CNIH3: variants seen among roughly 807,000 people sequenced by gnomAD.
The protein encoded by CNIH3 is cornichon family AMPA receptor auxiliary protein 3.
Under a neutral mutation model 24.1 loss-of-function variants are expected in CNIH3, and 14 were observed. The ratio of observed to expected loss-of-function variants is 0.58; its 90% CI spans 0.38 to 0.91. The LOEUF is 0.91. Among genes scored for constraint, CNIH3 ranks in the 40% least tolerant of loss-of-function variants. The pLI is 0.00. For synonymous variants in CNIH3, 68 were observed against 73.8 expected (o/e 0.92, Z 0.40); for missense variants, 178 against 196.8 (o/e 0.90, Z 0.57).
chr1:224,687,193 C>T (rs1001613164), intron 3 of CNIH3, among the ~76,000 whole-genome samples: 1 of 152,194 alleles, frequency 6.6e-6, no homozygotes, highest in African/African-American at 2.4e-5. Flanking sequence ...TGGCCAGCAC[C>T]TCTTCACTAA....
chr1:224,621,571 G>A (rs760132161), intron 1 of CNIH3, among the ~76,000 whole-genome samples: 22 of 152,142 alleles, frequency 1.4e-4, no homozygotes, highest in Non-Finnish European at 2.6e-4. Context: ...TGGGATGTCC[G>A]CAGCTCCAGC....
chr1:224,478,889 G>T (rs1210993005), intron 1 of CNIH3, among the ~76,000 whole-genome samples: 1 of 152,166 alleles, frequency 6.6e-6, no homozygotes, highest in East Asian at 1.9e-4. Context: ...GCAAAAAAGA[G>T]CTTGTGCAGA....
chr1:224,691,799 A>G (rs1377884514), intron 3 of CNIH3, among the ~76,000 whole-genome samples: 2 of 152,204 alleles, frequency 1.3e-5, no homozygotes, highest in African/African-American at 4.8e-5. Flanking sequence ...AGCATGTGGC[A>G]CTTCTAAAAG....
rs552863625 is a variant in CNIH3, at chr1:224,474,910, G to T, written n.203+40048G>T. Among the ~76,000 whole-genome samples, 544 of 151,452 alleles carry T rather than the reference G, an allele frequency of 3.6e-3. 5 individuals are homozygous for T. The highest frequency in any genetic ancestry group is 0.012 in the African/African-American group (511 of 41,336). On this transcript the variant is annotated intron_variant and non_coding_transcript_variant, in intron 1 of 5. Transcript: ENST00000471578. Reference sequence around the variant, plus strand: ...ATAAAAAAAAGCCGGTCGTGGCAGTGGGCGGGCGCCTGTAGTCCCAGCTAC... The same window carrying T: ...ATAAAAAAAAGCCGGTCGTGGCAGTTGGCGGGCGCCTGTAGTCCCAGCTAC...
In CNIH3 at chr1:224,597,076, C is replaced by A. The variant is rs182784992; in HGVS notation, n.402+30812C>A. On this transcript the variant is annotated intron_variant and non_coding_transcript_variant, in intron 3 of 7. Transcript: ENST00000478120. Reference sequence around the variant, plus strand: ...CTGACGCAGGAGAATTTCTTGAACCCGAGAGGTGCAGGTTGCAGTGAGCCG... The same window carrying A: ...CTGACGCAGGAGAATTTCTTGAACCAGAGAGGTGCAGGTTGCAGTGAGCCG... Among the ~76,000 whole-genome samples, 5 of 152,048 alleles carry A rather than the reference C, an allele frequency of 3.3e-5. No homozygotes were observed. The South Asian group carries it at 1.0e-3, about 32-fold the overall frequency.
chr1:224,686,113 C>T (rs1283183758), intron 3 of CNIH3, among the ~76,000 whole-genome samples: 4 of 150,362 alleles, frequency 2.7e-5, no homozygotes, highest in East Asian at 2.0e-4. Flanking sequence ...CCCATTGACT[C>T]GTCATTTACA....
intron 5 of CNIH3, among the ~76,000 whole-genome samples, chr1:224,737,950 A>T (rs1689679005): frequency 6.6e-6 from 1 of 152,234 alleles, no homozygotes; most frequent in Admixed American, 6.5e-5. Context: ...TCTGCTCTGT[A>T]GAAAGATTTT....
intron 3 of CNIH3, among the ~76,000 whole-genome samples, chr1:224,689,434 A>C (rs1686821163): frequency 6.6e-6 from 1 of 152,078 alleles, no homozygotes; most frequent in Admixed American, 6.5e-5. Context: ...ATCCCCTCTT[A>C]GCATCCCCTC....
At chr1:224,573,079 G>A (rs1680888585) in intron 4 of CNIH3, among the ~76,000 whole-genome samples, 2 of 152,024 alleles carry the variant, frequency 1.3e-5, no homozygotes, top group South Asian at 4.1e-4. Flanking sequence ...CTGCCTTGTA[G>A]TCATCTTTAT....
At chr1:224,567,859 G>A (rs374710735) in intron 4 of CNIH3, among the ~76,000 whole-genome samples, 1 of 152,176 alleles carries the variant, frequency 6.6e-6, no homozygotes, top group South Asian at 2.1e-4. Flanking sequence ...TTATAAGATC[G>A]AGAACCCGGA....
At chr1:224,473,852 T>G (rs1344671377) in intron 1 of CNIH3, among the ~76,000 whole-genome samples, 2 of 152,164 alleles carry the variant, frequency 1.3e-5, no homozygotes, top group Admixed American at 6.5e-5. Context: ...CACATTCTTT[T>G]CCTTAGCACA....
chr1:224,706,403 G>A (rs750713660), intron 3 of CNIH3, among the ~76,000 whole-genome samples: 20 of 152,066 alleles, frequency 1.3e-4, no homozygotes, highest in Non-Finnish European at 2.5e-4. Context: ...CGCCTGTTCC[G>A]GAGGGTCGCC....
At chr1:224,640,203 T>A (rs1684289574) in intron 1 of CNIH3, among the ~76,000 whole-genome samples, 2 of 152,156 alleles carry the variant, frequency 1.3e-5, no homozygotes, top group South Asian at 4.1e-4. Context: ...TTCATGTGTG[T>A]GTGTGTGCAA....
Position 224,739,698 on chromosome 1 carries a change from C to A in CNIH3, c.*342C>A. 1 of 355,316 alleles carries A rather than the reference C, an allele frequency of 2.8e-6. No individual in the cohort carries two copies. Among genetic ancestry groups the A allele is most frequent in the East Asian group, 5.7e-5 (1 of 17,670 alleles). The allele number at this position is 355,316 out of a possible 1,614,324, so 22.0% of individuals were successfully genotyped here. ...CCTGAATCCACTTCATTGAACAGCA[C>A]CTTGCAAGTTCAAATGAGTTCCTGG... On this transcript the variant is annotated 3_prime_UTR_variant, in exon 6 of 6. Transcript: ENST00000272133.
intron 1 of CNIH3, among the ~76,000 whole-genome samples, chr1:224,503,842 G>A (rs1203650468): frequency 6.6e-6 from 1 of 152,266 alleles, no homozygotes; most frequent in Admixed American, 6.5e-5. Flanking sequence ...GCAGGCTCGG[G>A]CACGCTGTGC....
At chr1:224,475,231 C>T (rs1459190843) in intron 1 of CNIH3, among the ~76,000 whole-genome samples, 2 of 150,586 alleles carry the variant, frequency 1.3e-5, no homozygotes, top group Admixed American at 1.3e-4. Context: ...CTGCATGCGC[C>T]TGTAGTCCCA....
chr1:224,589,422 G>C (rs1420339057), downstream of CNIH3, among the ~76,000 whole-genome samples: 1 of 152,166 alleles, frequency 6.6e-6, no homozygotes, highest in Non-Finnish European at 1.5e-5. Context: ...GCTAAATGAG[G>C]GTAAGTCACG....
At chr1:224,667,039 G>T (rs557301970) in intron 1 of CNIH3, among the ~76,000 whole-genome samples, 62 of 152,246 alleles carry the variant, frequency 4.1e-4, no homozygotes, top group African/African-American at 1.4e-3. Context: ...CTGTCATCCT[G>T]TCCAGGGACT....
At chr1:224,642,769 T>C (rs1684420484) in intron 1 of CNIH3, among the ~76,000 whole-genome samples, 1 of 152,204 alleles carries the variant, frequency 6.6e-6, no homozygotes, top group Admixed American at 6.5e-5. Context: ...GTCTTAGAAC[T>C]GCACATATAT....
Sources: gnomAD v4.1 joint callset for allele counts (sites outside exome capture counted in the v4.1 genomes callset) on GRCh38, gnomAD v4.1.1 for gene constraint, MANE v1.5 for transcripts, NCBI Gene and HGNC (gene_info 2026-07-23, HGNC 2026-07-21) for gene names.